Variants in RBFOX1 observed in about 807,000 individuals in gnomAD.
RBFOX1 encodes RNA binding protein fox-1 homolog 1.
A neutral mutation model predicts 57.7 loss-of-function variants in RBFOX1; 8 were observed. That is an observed-to-expected ratio of 0.14 (90% CI 0.08 to 0.25). The LOEUF (loss-of-function observed/expected upper bound fraction) is 0.25. Among genes scored for constraint, RBFOX1 ranks in the 10% least tolerant of loss-of-function variants. RBFOX1 has a pLI of 1.00. For synonymous variants in RBFOX1, 326 were observed against 222.4 expected (o/e 1.47, Z -4.15); for missense variants, 611 against 548.5 (o/e 1.11, Z -1.14).
At chr16:7,704,117 A>C (rs984758575) in intron 14 of RBFOX1, among the ~76,000 whole-genome samples, 1 of 152,202 alleles carries the variant, frequency 6.6e-6, no homozygotes, top group Non-Finnish European at 1.5e-5. Flanking sequence ...TGCTCTGTCC[A>C]AGTCATGAGA....
At chr16:7,397,172 C>A (rs2148663418) in intron 4 of RBFOX1, among the ~76,000 whole-genome samples, 1 of 152,260 alleles carries the variant, frequency 6.6e-6, no homozygotes, top group East Asian at 1.9e-4. Flanking sequence ...CAAAATGTTA[C>A]CATCTTTATC....
chr16:6,118,331 T>A (rs2096519784), intron 1 of RBFOX1, among the ~76,000 whole-genome samples: 1 of 152,184 alleles, frequency 6.6e-6, no homozygotes, highest in South Asian at 2.1e-4. Context: ...CAAAATACCT[T>A]ACATTGGGTA....
At position 6,153,047 on chromosome 16, in the gene RBFOX1, T is replaced by G. The variant is rs200236048; in HGVS notation, c.-127+133055T>G. On this transcript the variant is annotated intron_variant, in intron 1 of 15. Transcript: ENST00000550418. ...AGTTATTTTCTGTTTTTTTTTTTTT[T>G]TTGTTAATTTTATGTATTTTTTATT... Among the ~76,000 whole-genome samples, 158 of 151,138 alleles carry G rather than the reference T, an allele frequency of 1.0e-3. 1 individual carries two copies. Among genetic ancestry groups the G allele is most frequent in the Middle Eastern group, 3.4e-3 (1 of 292 alleles).
intron 3 of RBFOX1, among the ~76,000 whole-genome samples, chr16:5,722,490 T>C (rs1168871697): frequency 1.3e-5 from 2 of 152,234 alleles, no homozygotes; most frequent in East Asian, 3.8e-4. Context: ...CGCGATCATC[T>C]ATCCCCGTGT....
intron 2 of RBFOX1, among the ~76,000 whole-genome samples, chr16:6,327,920 G>A (rs2082564951): frequency 1.3e-5 from 2 of 152,058 alleles, no homozygotes; most frequent in Non-Finnish European, 2.9e-5. Context: ...CATGCACCGT[G>A]GTCCCAGTCT....
chr16:6,757,918 T>C (rs2076054565), intron 3 of RBFOX1, among the ~76,000 whole-genome samples: 1 of 152,200 alleles, frequency 6.6e-6, no homozygotes, highest in South Asian at 2.1e-4. Flanking sequence ...ATATGTACAA[T>C]TATTATGCAT....
chr16:6,143,134 C>A (rs2096731615), intron 1 of RBFOX1, among the ~76,000 whole-genome samples: 1 of 152,190 alleles, frequency 6.6e-6, no homozygotes, highest in African/African-American at 2.4e-5. Context: ...CTGGGCCACA[C>A]TTTGTCCAAA....
chr16:7,377,858 A>C (rs1457961507), intron 4 of RBFOX1, among the ~76,000 whole-genome samples: 2 of 152,342 alleles, frequency 1.3e-5, no homozygotes, highest in East Asian at 3.9e-4. Flanking sequence ...GAAATATGCC[A>C]GGTGATGAAA....
chr16:6,649,694 T>C (rs1197748763), intron 2 of RBFOX1, among the ~76,000 whole-genome samples: 2 of 152,216 alleles, frequency 1.3e-5, no homozygotes, highest in Non-Finnish European at 2.9e-5. Context: ...ATGCCATTAT[T>C]TCATTCATTT....
intron 5 of RBFOX1, among the ~76,000 whole-genome samples, chr16:7,538,319 G>T (rs1219566937): frequency 1.3e-5 from 2 of 152,086 alleles, no homozygotes; most frequent in African/African-American, 2.4e-5. Context: ...CTGTCCATCT[G>T]CCCCATTAGC....
intron 4 of RBFOX1, among the ~76,000 whole-genome samples, chr16:7,376,807 G>T (rs574262753): frequency 2.0e-5 from 3 of 152,172 alleles, no homozygotes; most frequent in Non-Finnish European, 4.4e-5. Context: ...GTCCCTTGCA[G>T]TAGAGATGGG....
intron 4 of RBFOX1, among the ~76,000 whole-genome samples, chr16:7,310,077 C>G (rs770358953): frequency 5.3e-5 from 8 of 152,246 alleles, no homozygotes; most frequent in Non-Finnish European, 1.2e-4. Flanking sequence ...TTGAGGGCGG[C>G]TGTGTCAGAT....
At chr16:5,884,164 A>G (rs1295627299) in intron 4 of RBFOX1, among the ~76,000 whole-genome samples, 1 of 152,200 alleles carries the variant, frequency 6.6e-6, no homozygotes, top group Non-Finnish European at 1.5e-5. Flanking sequence ...GCAAATAGCA[A>G]GTTGTCAGTA....
intron 11 of RBFOX1, among the ~76,000 whole-genome samples, chr16:7,641,062 G>C (rs550257113): frequency 6.6e-6 from 1 of 152,258 alleles, no homozygotes; most frequent in Non-Finnish European, 1.5e-5. Flanking sequence ...TTTATAAGTT[G>C]AGTCAAGCTC....
At chr16:7,049,655 T>G (rs763128763) in intron 3 of RBFOX1, among the ~76,000 whole-genome samples, 1 of 152,102 alleles carries the variant, frequency 6.6e-6, no homozygotes, top group African/African-American at 2.4e-5. Flanking sequence ...TCACCACTTA[T>G]GTGGCGGTAC....
chr16:5,686,932 G>A (rs768620878), intron 3 of RBFOX1, among the ~76,000 whole-genome samples: 9 of 152,046 alleles, frequency 5.9e-5, no homozygotes, highest in Admixed American at 3.3e-4. Flanking sequence ...TTTAAGCTTC[G>A]AATACTTCAT....
At chr16:5,882,132 T>C (rs1265653173) in intron 4 of RBFOX1, among the ~76,000 whole-genome samples, 1 of 152,224 alleles carries the variant, frequency 6.6e-6, no homozygotes, top group Admixed American at 6.5e-5. Flanking sequence ...ACAGCCAACC[T>C]TTGAATTCAG....
intron 4 of RBFOX1, among the ~76,000 whole-genome samples, chr16:7,114,832 T>C (rs1388082367): frequency 6.6e-6 from 1 of 152,206 alleles, no homozygotes; most frequent in South Asian, 2.1e-4. Context: ...GTGGTTTTCA[T>C]GAAGCCAAAT....
chr16:6,490,685 C>T (rs1379000822), intron 2 of RBFOX1, among the ~76,000 whole-genome samples: 2 of 152,174 alleles, frequency 1.3e-5, no homozygotes, highest in Admixed American at 1.3e-4. Context: ...CAGCTCGTAT[C>T]TGGTCATGGA....
Sources: allele counts gnomAD v4.1 joint callset (sites outside exome capture counted in the v4.1 genomes callset), GRCh38; gene constraint gnomAD v4.1.1; transcripts MANE v1.5; gene names NCBI Gene and HGNC (gene_info 2026-07-23, HGNC 2026-07-21).